The following PPFIA2 variants were observed in gnomAD, a reference collection of about 807,000 sequenced individuals.
PPFIA2 encodes the protein PPFI scaffold protein A2, also known as liprin-alpha-2.
In PPFIA2, 46 loss-of-function variants were observed where a neutral mutation model predicts 175.5. The ratio of observed to expected loss-of-function variants is 0.26; its 90% CI spans 0.21 to 0.34. The LOEUF is 0.34. PPFIA2 is among the 10% of genes least tolerant of loss of function. PPFIA2 has a pLI of 1.00. For synonymous variants in PPFIA2, 568 were observed against 511.4 expected (o/e 1.11, Z -1.49); for missense variants, 1,179 against 1,506.1 (o/e 0.78, Z 3.60).
At chr12:81,486,373 T>C (rs1391461620) in intron 4 of PPFIA2, among the ~76,000 whole-genome samples, 1 of 151,894 alleles carries the variant, frequency 6.6e-6, no homozygotes, top group Non-Finnish European at 1.5e-5. Flanking sequence ...ATTTTATTAT[T>C]ATAACATGAA....
intron 3 of PPFIA2, among the ~76,000 whole-genome samples, chr12:81,753,351 A>T (rs2084136452): frequency 1.3e-5 from 2 of 152,140 alleles, no homozygotes; most frequent in Non-Finnish European, 2.9e-5. Flanking sequence ...AGATTGACAG[A>T]AATATATTTA....
intron 4 of PPFIA2, among the ~76,000 whole-genome samples, chr12:81,498,745 C>A (rs908584184): frequency 6.6e-6 from 1 of 152,146 alleles, no homozygotes; most frequent in Non-Finnish European, 1.5e-5. Context: ...TTGCCTCAGC[C>A]TCCCAAGTAG....
Position 81,369,163 on chromosome 12 carries a change from C to T in PPFIA2, c.1298G>A (p.Arg433His), listed in dbSNP as rs377428808. 2.5e-5 allele frequency: 40 copies of T among 1,608,736 alleles called. No individual in the cohort carries two copies. The highest frequency in any genetic ancestry group is 6.7e-5 in the African/African-American group (5 of 74,664). The change falls in exon 12 of 33, where the codon CGT (arginine) becomes CAT (histidine). Residue 433 changes from arginine to histidine, a missense_variant. Physicochemically the swap from Arg to His is conservative, Grantham distance 29. Around this residue, in one of 10 missense-constraint regions of PPFIA2, gnomAD observed 66 missense variants for 129.4 expected, o/e 0.51. Transcript: ENST00000549396. ...AEERHGNIEE[R>H]MRHLEGQLEE... ...AAGTTGACCCTCTAAATGTCTCATA[C>T]GTTCTTCAATATTTCCATGTCTCTC...
intron 4 of PPFIA2, among the ~76,000 whole-genome samples, chr12:81,584,963 A>G (rs1411237590): frequency 1.8e-5 from 2 of 108,776 alleles, no homozygotes; most frequent in African/African-American, 7.5e-5. Context: ...ATATTTATAT[A>G]TAATATATTA....
At chr12:81,642,646 A>G (rs1388773841) in intron 4 of PPFIA2, among the ~76,000 whole-genome samples, 2 of 105,202 alleles carry the variant, frequency 1.9e-5, no homozygotes, top group Non-Finnish European at 4.4e-5. Flanking sequence ...TTATATACAT[A>G]CATGTATGTA....
chr12:81,463,424 T>C (rs558325013), intron 4 of PPFIA2, among the ~76,000 whole-genome samples: 33 of 152,244 alleles, frequency 2.2e-4, no homozygotes, highest in African/African-American at 7.7e-4. Flanking sequence ...CAACAACTTT[T>C]CAGACTATTT....
intron 4 of PPFIA2, among the ~76,000 whole-genome samples, chr12:81,586,888 T>G (rs1055185397): frequency 6.6e-6 from 1 of 151,956 alleles, no homozygotes; most frequent in Non-Finnish European, 1.5e-5. Flanking sequence ...ATGCTATTAT[T>G]TAAAAAGTAC....
At chr12:81,675,113 C>T (rs553146315) in intron 4 of PPFIA2, among the ~76,000 whole-genome samples, 216 of 151,796 alleles carry the variant, frequency 1.4e-3, no homozygotes, top group Middle Eastern at 6.8e-3. Context: ...AAAGAACTAT[C>T]CTCTTCACAA....
At chr12:81,455,110 C>A (rs1053603390) in intron 5 of PPFIA2, among the ~76,000 whole-genome samples, 1 of 152,130 alleles carries the variant, frequency 6.6e-6, no homozygotes, top group Non-Finnish European at 1.5e-5. Flanking sequence ...TCTCTATGAC[C>A]AGCACACAGA....
chr12:81,264,254 G>T lies in PPFIA2; in HGVS notation c.3556-864C>A, dbSNP rs139733174. Among the ~76,000 whole-genome samples, 21 of 152,144 alleles carry T rather than the reference G, an allele frequency of 1.4e-4. No individual in the cohort carries two copies. In the East Asian group the frequency reaches 3.7e-3, roughly 27 times the overall value. ...AGCATAGCAATTACATTTTAATTCTGGTTGCTGATTTTGTTATGCCTTAAT... is the reference window on the plus strand; with the variant it reads ...AGCATAGCAATTACATTTTAATTCTTGTTGCTGATTTTGTTATGCCTTAAT... On this transcript the variant is annotated intron_variant, in intron 30 of 32. Coordinates refer to ENST00000549396, the MANE Select transcript of PPFIA2 (RefSeq NM_003625.5).
intron 8 of PPFIA2, among the ~76,000 whole-genome samples, chr12:81,405,017 T>C (rs1241642055): frequency 6.6e-6 from 1 of 152,160 alleles, no homozygotes; most frequent in Non-Finnish European, 1.5e-5. Flanking sequence ...CAACACAGGA[T>C]GTGTGAATGC....
At chr12:81,567,904 A>G (rs1377905852) in intron 4 of PPFIA2, among the ~76,000 whole-genome samples, 1 of 152,178 alleles carries the variant, frequency 6.6e-6, no homozygotes, top group Non-Finnish European at 1.5e-5. Context: ...TTGATCAGAA[A>G]TGTAGGTGGC....
intron 12 of PPFIA2, 60 bp downstream of exon 12, chr12:81,369,051 T>A (rs2034371560): frequency 7.1e-7 from 1 of 1,400,150 alleles, no homozygotes; most frequent in Non-Finnish European, 9.9e-7. Flanking sequence ...TTTCTTCTTA[T>A]ATACAGAATA....
chr12:81,661,945 G>A (rs1415500825), intron 4 of PPFIA2, among the ~76,000 whole-genome samples: 2 of 152,186 alleles, frequency 1.3e-5, no homozygotes, highest in Non-Finnish European at 2.9e-5. Flanking sequence ...GCTCCTGAAT[G>A]ACTACTGGGT....
intron 29 of PPFIA2, chr12:81,267,371 T>G (rs557348213): frequency 1.7e-4 from 64 of 369,196 alleles, no homozygotes; most frequent in African/African-American, 1.3e-3. Flanking sequence ...TTATTGAATC[T>G]ATGTAGGTAG....
Position 81,642,837 on chromosome 12 carries a change from T to TATAA in PPFIA2, c.303+33953_303+33954insTTAT, listed in dbSNP as rs2065484928. Among the ~76,000 whole-genome samples the TATAA allele has an allele frequency of 1.5e-5, 2 of 134,384 alleles. 1 individual carries two copies. Among genetic ancestry groups the TATAA allele is most frequent in the African/African-American group, 5.6e-5 (2 of 35,662 alleles). The allele number at this position is 134,384 out of a possible 152,430, so 88.2% of individuals were successfully genotyped here. On this transcript the variant is annotated intron_variant, in intron 4 of 32. Transcript: ENST00000549396. ...ACATACATGTATATGTATGTATGTA[T>TATAA]TACATACATATATAACATGTATTAC...
At chr12:81,381,925 T>C (rs2037804439) in intron 9 of PPFIA2, among the ~76,000 whole-genome samples, 1 of 152,092 alleles carries the variant, frequency 6.6e-6, no homozygotes, top group African/African-American at 2.4e-5. Flanking sequence ...GTGCCTATTA[T>C]ACAATCAATA....
intron 4 of PPFIA2, among the ~76,000 whole-genome samples, chr12:81,646,787 T>C (rs2066149709): frequency 6.6e-6 from 1 of 151,818 alleles, no homozygotes; most frequent in African/African-American, 2.4e-5. Flanking sequence ...GAGTGGACAT[T>C]CAGGAATACA....
At chr12:81,284,466 C>T (rs2042810109) in intron 24 of PPFIA2, 163 bp from the exon 25 acceptor site, 8 of 549,396 alleles carry the variant, frequency 1.5e-5, no homozygotes, top group Non-Finnish European at 2.0e-5. Context: ...TTGCTCAGAG[C>T]TCCCTGTTTC....
Sources: gnomAD v4.1 joint callset for allele counts (sites outside exome capture counted in the v4.1 genomes callset) on GRCh38, gnomAD v4.1.1 for gene constraint, gnomAD v4.1.1 regional missense constraint, MANE v1.5 for transcripts, NCBI Gene and HGNC (gene_info 2026-07-23, HGNC 2026-07-21) for gene names.